The following ADGRL1 variants were observed in gnomAD, a reference collection of about 807,000 sequenced individuals.
ADGRL1 encodes adhesion G protein-coupled receptor L1, also known as CIRL-1.
In ADGRL1, 31 loss-of-function variants were observed where a neutral mutation model predicts 148.9. The observed-to-expected ratio is 0.21, with a 90% CI of 0.16 to 0.28. The LOEUF (loss-of-function observed/expected upper bound fraction) is 0.28. Among genes scored for constraint, ADGRL1 ranks in the 10% least tolerant of loss-of-function variants. ADGRL1 has a pLI of 1.00. For missense variants in ADGRL1, 1,521 were observed against 2,058.8 expected, an observed-to-expected ratio of 0.74 and a Z score of 5.05; for synonymous variants, 937 against 900.3, an observed-to-expected ratio of 1.04 and a Z score of -0.73.
At position 14,149,397 on chromosome 19, in the gene ADGRL1, A is replaced by G. The variant is rs1335646592; in HGVS notation, c.*1476T>C. ...CCCAGCACCCTCCTCAGCCATACCC[A>G]TGCCCTCCACAACCCCAGTGCCTCC... On this transcript the variant is annotated 3_prime_UTR_variant, in exon 23 of 23. Coordinates refer to ENST00000361434, the MANE Select transcript of ADGRL1 (RefSeq NM_014921.5). 1 of 152,718 alleles carries G rather than the reference A, an allele frequency of 6.5e-6. No individual in the cohort carries two copies. The highest frequency in any genetic ancestry group is 1.5e-5 in the Non-Finnish European group (1 of 68,214). 9.5% of individuals were successfully genotyped at this position (152,718 alleles called of 1,614,324 possible). A position where few individuals can be genotyped will look rare whatever the true frequency, so the allele number is the denominator to read the frequency against.
intron 4 of ADGRL1, among the ~76,000 whole-genome samples, chr19:14,168,015 G>T (rs1236678858): frequency 6.6e-6 from 1 of 152,146 alleles, no homozygotes; most frequent in African/African-American, 2.4e-5. Flanking sequence ...TGTCCACTGT[G>T]TGGGAGGGTT....
intron 3 of ADGRL1, among the ~76,000 whole-genome samples, chr19:14,172,247 C>A (rs917320104): frequency 1.3e-5 from 2 of 152,084 alleles, no homozygotes; most frequent in East Asian, 1.9e-4. Flanking sequence ...CATAGTGAAA[C>A]CCTGTCTCTA....
At position 14,158,275 on chromosome 19, in the gene ADGRL1, C is replaced by T. The variant is rs887142733; in HGVS notation, c.2364+63G>A. On this transcript the variant is annotated intron_variant, in intron 12 of 22. Coordinates refer to ENST00000361434, the MANE Select transcript of ADGRL1 (RefSeq NM_014921.5). The stretch of plus-strand genomic sequence containing the variant: ...AGGTGAGCACATGGAGGGGCAGGTA[C>T]ACAGCCTGGGAACACAGAGGGTACA... 1.7e-5 allele frequency: 26 copies of T among 1,539,676 alleles called. No individual in the cohort carries two copies. In the Middle Eastern group the frequency reaches 2.1e-3, roughly 122 times the overall value.
In ADGRL1 at chr19:14,162,595, G is replaced by C. The variant is rs1490532932; in HGVS notation, c.1195+11C>G. On this transcript the variant is annotated intron_variant, in intron 5 of 22. Coordinates refer to ENST00000361434, the MANE Select transcript of ADGRL1 (RefSeq NM_014921.5). The surrounding 1 kb of genome is among the most constrained non-coding windows in gnomAD (Gnocchi z 5.4). ...AAGCAGGCTCCATGCCTGGAAGTGA[G>C]TCGTCCTCACCAGCACTGGGGTCGG... 1 of 1,590,824 alleles carries C rather than the reference G, an allele frequency of 6.3e-7. No homozygotes were observed. The highest frequency in any genetic ancestry group is 2.2e-5 in the East Asian group (1 of 44,530).
rs1024041912 is a variant in ADGRL1 at position 14,162,740 on chromosome 19, C to G, written c.1061G>C (p.Ser354Thr). ...NTNANREEPVSLTFPNPYQFI... is the reference protein window; with the variant it reads ...NTNANREEPVTLTFPNPYQFI... Reference sequence around the variant, plus strand: ...CTGGTAGGGGTTGGGGAAGGTGAGGCTGACAGGCTCCTCGCGGTTGGCATT... The same window carrying G: ...CTGGTAGGGGTTGGGGAAGGTGAGGGTGACAGGCTCCTCGCGGTTGGCATT... The change falls in exon 5 of 23, where the codon AGC becomes ACC. Residue 354 changes from serine (S) to threonine (T), a missense_variant. Ser to Thr is a moderately conservative substitution (Grantham distance 58). Around this residue, in one of 8 missense-constraint regions of ADGRL1, gnomAD observed 270 missense variants for 320.4 expected, o/e 0.84. Coordinates refer to ENST00000361434, the MANE Select transcript of ADGRL1 (RefSeq NM_014921.5). This position sits in a 1 kb window ranked among gnomAD's most constrained non-coding sequence, Gnocchi z 5.4. 1 of 1,614,096 alleles carries G rather than the reference C, an allele frequency of 6.2e-7. No homozygotes were observed. Among genetic ancestry groups the G allele is most frequent in the Non-Finnish European group, 8.5e-7 (1 of 1,180,048 alleles).
intron 1 of ADGRL1, among the ~76,000 whole-genome samples, chr19:14,184,128 T>G (rs1971410770): frequency 6.6e-6 from 1 of 152,166 alleles, no homozygotes; most frequent in African/African-American, 2.4e-5. Context: ...CTCCCCGTCT[T>G]GGGCAGAAAT....
At chr19:14,169,864 G>T (rs550931888) in intron 4 of ADGRL1, 12 of 152,406 alleles carry the variant, frequency 7.9e-5, no homozygotes, top group African/African-American at 2.9e-4. Flanking sequence ...GATGTCAAGG[G>T]TGGGGTGCTG....
Position 14,170,751 on chromosome 19 carries a change from C to T in ADGRL1, c.325G>A (p.Asp109Asn), listed in dbSNP as rs779900356. Residue 109 changes from aspartate (D) to asparagine (N), a missense_variant, in exon 4 of 23, where the codon GAT becomes AAT. Physicochemically the swap from Asp to Asn is conservative, Grantham distance 23. Coordinates refer to ENST00000361434, the MANE Select transcript of ADGRL1 (RefSeq NM_014921.5). ...RTQCVVVAGS[D>N]AFPDPCPGTY... ...CCAGGACAGGGGTCAGGAAAGGCAT[C>T]CGAGCCGGCGACCACCACGCACTGG... 1.2e-6 allele frequency: 2 copies of T among 1,612,928 alleles called. No homozygotes were observed. The highest frequency in any genetic ancestry group is 2.2e-5 in the South Asian group (2 of 90,954).
In ADGRL1 at chr19:14,156,939, G is replaced by A. The variant is rs373157905; in HGVS notation, c.2952C>T (p.Tyr984=). The A allele has an allele frequency of 2.6e-5, 42 of 1,611,214 alleles. 1 individual carries two copies. Among genetic ancestry groups the A allele is most frequent in the Middle Eastern group, 1.7e-4 (1 of 5,726 alleles). Residue 984 remains tyrosine, a synonymous_variant, in exon 15 of 23, where the codon TAC becomes TAT. Transcript: ENST00000361434. Reference sequence around the variant, plus strand: ...TGGAAACTCACGCCTTCTCGGTGCCGTAGCTGCGGTAGTCAATGGCAGCCG... The same window carrying A: ...TGGAAACTCACGCCTTCTCGGTGCCATAGCTGCGGTAGTCAATGGCAGCCG... ...GIAAAIDYRS[Y]GTEKACWLRV...
chr19:14,190,786 G>A lies in ADGRL1; in HGVS notation c.-95-7089C>T, dbSNP rs546634264. Among the ~76,000 whole-genome samples the A allele has an allele frequency of 8.6e-5, 13 of 151,810 alleles. No homozygotes were observed. In the East Asian group the frequency reaches 2.0e-3, roughly 23 times the overall value. On this transcript the variant is annotated intron_variant, in intron 1 of 22. Transcript: ENST00000361434. ...CTCCAGGTTCATCCATTCCAGAGGG[G>A]TGTTTTAAAAGACAATCTTGGCCGG...
intron 1 of ADGRL1, among the ~76,000 whole-genome samples, chr19:14,201,418 T>A (rs1599528904): frequency 3.6e-5 from 1 of 27,920 alleles, no homozygotes. Flanking sequence ...GGCAGGGGCA[T>A]TTTTTTTTTT....
At chr19:14,166,723 C>T (rs1310865072) in intron 4 of ADGRL1, among the ~76,000 whole-genome samples, 4 of 151,918 alleles carry the variant, frequency 2.6e-5, no homozygotes, top group African/African-American at 9.7e-5. Flanking sequence ...GGCCAGGTCC[C>T]CCGAAAGGGC....
intron 1 of ADGRL1, among the ~76,000 whole-genome samples, chr19:14,198,909 C>T (rs1476880797): frequency 1.3e-5 from 2 of 152,204 alleles, no homozygotes; most frequent in Admixed American, 6.5e-5. Context: ...TCTGTTTCCA[C>T]TCCAAAGTGT....
intron 4 of ADGRL1, among the ~76,000 whole-genome samples, chr19:14,167,880 C>T (rs1970129049): frequency 6.6e-6 from 1 of 152,116 alleles, no homozygotes; most frequent in South Asian, 2.1e-4. Flanking sequence ...CCACCCAGGG[C>T]CCGGGGGCCC....
rs151126121 is a variant in ADGRL1, at chr19:14,173,894, C to A, written c.285-3103G>T. On this transcript the variant is annotated intron_variant, in intron 3 of 22. Transcript: ENST00000361434. ...CCGGAAAGCGGAGGTTGCAGTGAGC[C>A]GAGATCATGCCACTGCACTCCAGCC... 4.3e-3 allele frequency among the ~76,000 whole-genome samples: 619 copies of A among 142,374 alleles called. 20 individuals are homozygous for A. The East Asian group carries it at 0.082, about 19-fold the overall frequency. 93.4% of individuals were successfully genotyped at this position (142,374 alleles called of 152,430 possible).
chr19:14,150,578 C>G lies in ADGRL1; in HGVS notation c.*295G>C, dbSNP rs143531921. 213 of 440,814 alleles carry G rather than the reference C, an allele frequency of 4.8e-4. No individual in the cohort carries two copies. Among genetic ancestry groups the G allele is most frequent in the African/African-American group, 4.1e-3 (199 of 48,588 alleles). 27.3% of individuals were successfully genotyped at this position (440,814 alleles called of 1,614,324 possible). On this transcript the variant is annotated 3_prime_UTR_variant, in exon 23 of 23. Transcript: ENST00000361434. ...GAGGGGAGAGTCTGGAAGTGGGCTG[C>G]ACCCTTCCAAGTTCTCCCTCCTCAC...
Position 14,150,805 on chromosome 19 carries a change from C to T in ADGRL1, c.*68G>A. 2.6e-6 allele frequency: 4 copies of T among 1,549,760 alleles called. No homozygotes were observed. Among genetic ancestry groups the T allele is most frequent in the Non-Finnish European group, 3.5e-6 (4 of 1,148,782 alleles). On this transcript the variant is annotated 3_prime_UTR_variant, in exon 23 of 23. Transcript: ENST00000361434. ...CCACTGCCTCCATCTGTCTCCCTCTCCCACCAGAGCCCTGCCCAGGGTTCC... is the reference window on the plus strand; with the variant it reads ...CCACTGCCTCCATCTGTCTCCCTCTTCCACCAGAGCCCTGCCCAGGGTTCC...
rs1366946398 is a variant in ADGRL1 at position 14,152,764 on chromosome 19, A to C, written c.3423+20T>G. On this transcript the variant is annotated intron_variant, in intron 19 of 22. Coordinates refer to ENST00000361434, the MANE Select transcript of ADGRL1 (RefSeq NM_014921.5). The surrounding 1 kb of genome is among the most constrained non-coding windows in gnomAD (Gnocchi z 6.1). The stretch of plus-strand genomic sequence containing the variant: ...CAGGTTCCAACACTCAGCCCCAGGG[A>C]GTCCTGTCTGGCCCGATACCTGGGT... The C allele has an allele frequency of 1.9e-6, 3 of 1,613,382 alleles. No homozygotes were observed. The highest frequency in any genetic ancestry group is 1.1e-5 in the South Asian group (1 of 90,988).
chr19:14,161,314 C>A lies in ADGRL1; in HGVS notation c.1508G>T (p.Arg503Leu), dbSNP rs1281781634. ...LVERPCPKGT[R>L]GIASFQCLPA... The stretch of plus-strand genomic sequence containing the variant: ...CTGGCTGCAGCCTCTGTACTCACCT[C>A]GAGTCCCCTTGGGGCAGGGCCTCTC... The change falls in exon 6 of 23, where the codon CGA becomes CTA. Residue 503 changes from arginine (R) to leucine (L), a missense_variant and splice_region_variant. Coordinates refer to ENST00000361434, the MANE Select transcript of ADGRL1 (RefSeq NM_014921.5). The surrounding 1 kb of genome is among the most constrained non-coding windows in gnomAD (Gnocchi z 4.4). The A allele has an allele frequency of 6.3e-7, 1 of 1,585,078 alleles. No homozygotes were observed. Among genetic ancestry groups the A allele is most frequent in the Non-Finnish European group, 8.6e-7 (1 of 1,169,122 alleles).
Sources: gnomAD v4.1 joint callset for allele counts (sites outside exome capture counted in the v4.1 genomes callset) on GRCh38, gnomAD v4.1.1 for gene constraint, gnomAD v4.1.1 regional missense constraint, Gnocchi (gnomAD v3.1) non-coding constraint, MANE v1.5 for transcripts, NCBI Gene and HGNC (gene_info 2026-07-23, HGNC 2026-07-21) for gene names.